RAD54L: variants seen among roughly 807,000 people sequenced by gnomAD.
RAD54L encodes the protein RAD54 like.
RAD54L carries 74 observed loss-of-function variants against 91.6 expected under a neutral mutation model. The observed-to-expected ratio is 0.81, with a 90% CI of 0.67 to 0.98. The LOEUF (loss-of-function observed/expected upper bound fraction) is 0.98, where lower values mean the gene tolerates loss of function less well. Ranked by LOEUF, RAD54L falls within the 50% of genes least tolerant of loss-of-function variation. The pLI, the probability that RAD54L is intolerant of heterozygous loss-of-function variation, is 0.00. For missense variants in RAD54L, 887 were observed against 945.7 expected, an observed-to-expected ratio of 0.94 and a Z score of 0.81; for synonymous variants, 304 against 349.7, an observed-to-expected ratio of 0.87 and a Z score of 1.46.
Position 46,270,731 on chromosome 1 carries a change from C to T in RAD54L, c.1115C>T (p.Ala372Val). Residue 372 changes from alanine (A) to valine (V), a missense_variant, in exon 10 of 18, where the codon GCA becomes GTA. Transcript: ENST00000371975. Reference protein sequence around the residue: ...LKGRDAAASEADRQLGEERLR... With the variant: ...LKGRDAAASEVDRQLGEERLR... ...GGTCGAGACGCTGCTGCTAGTGAGG[C>T]AGACAGGCAGCTAGGAGAGGAGCGG... The T allele has an allele frequency of 1.2e-6, 2 of 1,614,218 alleles. No individual in the cohort carries two copies. The highest frequency in any genetic ancestry group is 1.7e-6 in the Non-Finnish European group (2 of 1,180,048).
intron 3 of RAD54L, among the ~76,000 whole-genome samples, chr1:46,255,945 A>G (rs1207469856): frequency 6.6e-6 from 1 of 152,170 alleles, no homozygotes; most frequent in African/African-American, 2.4e-5. Context: ...TTTAGGGCAT[A>G]AATTCTTGGC....
chr1:46,266,400 G>C (rs1304753322), intron 8 of RAD54L, among the ~76,000 whole-genome samples: 1 of 152,256 alleles, frequency 6.6e-6, no homozygotes, highest in Non-Finnish European at 1.5e-5. Flanking sequence ...ATTCTTGGTT[G>C]AGTGGTTGAG....
intron 14 of RAD54L, 120 bp from the exon 15 acceptor site, chr1:46,274,018 T>G: frequency 1.8e-6 from 2 of 1,100,784 alleles, no homozygotes; most frequent in Non-Finnish European, 2.7e-6. Context: ...TTTCAGTCCC[T>G]TCAGTGGCTC....
intron 3 of RAD54L, among the ~76,000 whole-genome samples, chr1:46,255,403 GA>G (rs1450306144): frequency 1.3e-5 from 2 of 151,166 alleles, no homozygotes; most frequent in African/African-American, 4.9e-5. Context: ...GTAACTAAAT[GA>G]ACAGAGAATA....
At chr1:46,275,246 A>T (rs969896397) in intron 16 of RAD54L, among the ~76,000 whole-genome samples, 1 of 152,184 alleles carries the variant, frequency 6.6e-6, no homozygotes, top group Non-Finnish European at 1.5e-5. Flanking sequence ...CCATGTGGTT[A>T]TCCAGCACTC....
rs374786860 is a variant in RAD54L at position 46,249,948 on chromosome 1, T to A, written c.91-52T>A. ...GCACTTCAAGTGTTAGTTGCCATTA[T>A]GGTGATTTCTGTGGTCTTCTAGACT... On this transcript the variant is annotated intron_variant, in intron 2 of 17. Coordinates refer to ENST00000371975, the MANE Select transcript of RAD54L (RefSeq NM_003579.4). 113 of 1,599,034 alleles carry A rather than the reference T, an allele frequency of 7.1e-5. 1 individual carries two copies. Among genetic ancestry groups the A allele is most frequent in the Non-Finnish European group, 9.4e-5 (110 of 1,166,654 alleles).
intron 3 of RAD54L, among the ~76,000 whole-genome samples, chr1:46,250,979 A>C (rs560114091): frequency 2.0e-5 from 3 of 150,264 alleles, no homozygotes; most frequent in Non-Finnish European, 4.4e-5. Flanking sequence ...AAAAAAAAAA[A>C]ACAAAAAACA....
chr1:46,275,446 A>C (rs2148304366), intron 16 of RAD54L, among the ~76,000 whole-genome samples: 7 of 143,224 alleles, frequency 4.9e-5, no homozygotes, highest in Admixed American at 1.4e-4. Flanking sequence ...TCCCCTTCCC[A>C]CCCTCCCACT....
chr1:46,263,221 T>A lies in RAD54L; in HGVS notation c.891+1836T>A, dbSNP rs1321746295. Among the ~76,000 whole-genome samples the A allele has an allele frequency of 6.6e-6, 1 of 152,188 alleles. No individual in the cohort carries two copies. Among genetic ancestry groups the A allele is most frequent in the Non-Finnish European group, 1.5e-5 (1 of 68,028 alleles). On this transcript the variant is annotated intron_variant, in intron 8 of 17. Transcript: ENST00000371975. This position sits in a 1 kb window ranked among gnomAD's most constrained non-coding sequence, Gnocchi z 4.3. ...TGGCCGTAGTTACTTCCTGGCCTTT[T>A]CCAGTATGTGTGAATGGCAATAGAG...
intron 3 of RAD54L, among the ~76,000 whole-genome samples, chr1:46,254,106 C>G (rs1337560557): frequency 6.6e-6 from 1 of 151,874 alleles, no homozygotes; most frequent in African/African-American, 2.4e-5. Context: ...TCCTGAGTAG[C>G]TGGGATTACA....
At chr1:46,252,930 G>A (rs774144035) in intron 3 of RAD54L, among the ~76,000 whole-genome samples, 9 of 152,038 alleles carry the variant, frequency 5.9e-5, no homozygotes, top group Non-Finnish European at 1.2e-4. Flanking sequence ...AAATTGGCTG[G>A]ATGTGGTTGC....
At chr1:46,276,438 G>A (rs547816457) in intron 16 of RAD54L, among the ~76,000 whole-genome samples, 9 of 152,240 alleles carry the variant, frequency 5.9e-5, no homozygotes, top group East Asian at 1.9e-4. Context: ...TGGGATTAAC[G>A]GCATGAGCCA....
In RAD54L at chr1:46,272,537, G is replaced by T; in HGVS notation, c.1241G>T (p.Cys414Phe). The change falls in exon 11 of 18, where the codon TGT (cysteine) becomes TTT (phenylalanine). Residue 414 changes from cysteine to phenylalanine, a missense_variant. Coordinates refer to ENST00000371975, the MANE Select transcript of RAD54L (RefSeq NM_003579.4). ...LPVKIEQVVC[C>F]RLTPLQTELY... ...GTGAAGATTGAGCAGGTCGTTTGTT[G>T]TAGGTACTGAACTCAACTGAAAGAT... The T allele has an allele frequency of 6.2e-7, 1 of 1,611,580 alleles. No homozygotes were observed. The highest frequency in any genetic ancestry group is 8.5e-7 in the Non-Finnish European group (1 of 1,177,686).
Position 46,260,564 on chromosome 1 carries a change from G to C in RAD54L, c.430G>C (p.Val144Leu), listed in dbSNP as rs1557701483. ...CAGGGAGAAACTCCCTGTCCATGTG[G>C]TTGTTGACCCTATTCTCAGTAAGGT... ...LDKEKLPVHV[V>L]VDPILSKVLR... The change falls in exon 6 of 18, where the codon GTT becomes CTT. Residue 144 changes from valine (V) to leucine (L), a missense_variant. Val to Leu is a conservative substitution (Grantham distance 32). Transcript: ENST00000371975. 6.2e-7 allele frequency: 1 copy of C among 1,614,128 alleles called. No individual in the cohort carries two copies. Among genetic ancestry groups the C allele is most frequent in the East Asian group, 2.2e-5 (1 of 44,878 alleles).
In RAD54L at chr1:46,272,459, T is replaced by C. The variant is rs1227024515; in HGVS notation, c.1170-7T>C. On this transcript the variant is annotated splice_region_variant and splice_polypyrimidine_tract_variant and intron_variant, in intron 10 of 17. Coordinates refer to ENST00000371975, the MANE Select transcript of RAD54L (RefSeq NM_003579.4). ...AGCCTCTTGCCTTTTTATCCTGTTTTCTCTAGATGCCTGATACGGAGGACT... is the reference window on the plus strand; with the variant it reads ...AGCCTCTTGCCTTTTTATCCTGTTTCCTCTAGATGCCTGATACGGAGGACT... 1 of 1,601,840 alleles carries C rather than the reference T, an allele frequency of 6.2e-7. No homozygotes were observed. The highest frequency in any genetic ancestry group is 8.6e-7 in the Non-Finnish European group (1 of 1,168,836).
At chr1:46,250,191 G>A (rs1344806215) in intron 3 of RAD54L, 72 bp downstream of exon 3, 3 of 1,589,174 alleles carry the variant, frequency 1.9e-6, no homozygotes, top group East Asian at 2.2e-5. Context: ...TCCTGTCCCT[G>A]TACACTCCCT....
intron 3 of RAD54L, among the ~76,000 whole-genome samples, chr1:46,252,104 G>A (rs1305243304): frequency 6.6e-6 from 1 of 152,180 alleles, no homozygotes; most frequent in Admixed American, 6.5e-5. Flanking sequence ...AAAGATATGA[G>A]GGGTTAGACA....
intron 3 of RAD54L, among the ~76,000 whole-genome samples, chr1:46,254,582 A>G (rs1465582315): frequency 7.2e-6 from 1 of 139,722 alleles, no homozygotes; most frequent in African/African-American, 2.7e-5. Context: ...GGGAGCACTG[A>G]CTTTTTTTTT....
chr1:46,272,931 A>G (rs757278776), intron 12 of RAD54L, 129 bp downstream of exon 12: 7 of 1,358,640 alleles, frequency 5.2e-6, no homozygotes, highest in East Asian at 2.4e-5. Flanking sequence ...TGTGATTCCA[A>G]CCCTACCCAA....
Sources: gnomAD v4.1 joint callset for allele counts (sites outside exome capture counted in the v4.1 genomes callset) on GRCh38, gnomAD v4.1.1 for gene constraint, Gnocchi (gnomAD v3.1) non-coding constraint, MANE v1.5 for transcripts, NCBI Gene and HGNC (gene_info 2026-07-23, HGNC 2026-07-21) for gene names.